Variants in ABCA13 observed in about 807,000 individuals in gnomAD.
ABCA13 encodes ATP-binding cassette sub-family A member 13.
In ABCA13, 476 loss-of-function variants were observed where a neutral mutation model predicts 478.7. The ratio of observed to expected loss-of-function variants is 0.99; its 90% CI spans 0.92 to 1.07. The LOEUF (loss-of-function observed/expected upper bound fraction) is 1.07, where lower values mean the gene tolerates loss of function less well. ABCA13 is among the 50% of genes least tolerant of loss of function. The pLI is 0.00. For missense variants in ABCA13, 6,060 were observed against 5,910.6 expected, an observed-to-expected ratio of 1.03 and a Z score of -0.83; for synonymous variants, 2,252 against 2,158.9, an observed-to-expected ratio of 1.04 and a Z score of -1.20.
At chr7:48,368,728 CACATTTATATATAT>C (rs1471748735) in intron 32 of ABCA13, among the ~76,000 whole-genome samples, 2 of 142,326 alleles carry the variant, frequency 1.4e-5, no homozygotes, top group African/African-American at 2.6e-5. Flanking sequence ...CATACACACA[CACATTTATATATAT>C]ACATTTATAT....
intron 3 of ABCA13, among the ~76,000 whole-genome samples, chr7:48,213,575 C>A (rs1584233319): frequency 6.6e-6 from 1 of 152,094 alleles, no homozygotes; most frequent in East Asian, 1.9e-4. Flanking sequence ...GTGGCTATTT[C>A]TTTAAGTAAG....
chr7:48,593,140 T>A (rs1789922951), intron 57 of ABCA13, among the ~76,000 whole-genome samples: 1 of 152,008 alleles, frequency 6.6e-6, no homozygotes, highest in Non-Finnish European at 1.5e-5. Context: ...TTAAAGTTAT[T>A]TATTCTTTTT....
rs78708777 is a variant in ABCA13, at chr7:48,596,400, G to C, written c.14744+1587G>C. ...ATTTGATATAACTTAACCACTGTAA[G>C]TATGGAATTCTATGATTCTTTAGTA... is the stretch of plus-strand genomic sequence containing the variant. On this transcript the variant is annotated intron_variant, in intron 58 of 61. Coordinates refer to ENST00000435803, the MANE Select transcript of ABCA13 (RefSeq NM_152701.5). Among the ~76,000 whole-genome samples the C allele has an allele frequency of 9.9e-3, 1,505 of 152,232 alleles. 32 individuals are homozygous for C. The highest frequency in any genetic ancestry group is 0.035 in the African/African-American group (1,445 of 41,524).
At chr7:48,641,817 T>C (rs1215322780) in intron 59 of ABCA13, among the ~76,000 whole-genome samples, 1 of 152,128 alleles carries the variant, frequency 6.6e-6, no homozygotes, top group Non-Finnish European at 1.5e-5. Flanking sequence ...AATCCCTTCT[T>C]TTCATGAAAC....
At chr7:48,268,893 G>T in intron 15 of ABCA13, 87 bp from the exon 16 acceptor site, 6 of 453,966 alleles carry the variant, frequency 1.3e-5, no homozygotes, top group East Asian at 8.8e-5. Flanking sequence ...AACCATATTA[G>T]GTGAACTACT....
intron 55 of ABCA13, among the ~76,000 whole-genome samples, chr7:48,543,429 G>A (rs1373244636): frequency 6.6e-6 from 1 of 151,650 alleles, no homozygotes; most frequent in East Asian, 1.9e-4. Context: ...TTCGAGACCA[G>A]CCTGGCCAGC....
chr7:48,363,752 C>A (rs1453956104), intron 31 of ABCA13, among the ~76,000 whole-genome samples: 1 of 151,822 alleles, frequency 6.6e-6, no homozygotes, highest in Non-Finnish European at 1.5e-5. Flanking sequence ...TAGTTTTTTT[C>A]ACATATTTTT....
chr7:48,288,656 G>A (rs1446451855), intron 20 of ABCA13, among the ~76,000 whole-genome samples: 3 of 151,956 alleles, frequency 2.0e-5, no homozygotes, highest in Non-Finnish European at 4.4e-5. Flanking sequence ...TTTTTCTGGA[G>A]AGTTAGTTTT....
chr7:48,545,539 GGT>G, intron 55 of ABCA13, among the ~76,000 whole-genome samples: 1 of 151,570 alleles, frequency 6.6e-6, no homozygotes, highest in Non-Finnish European at 1.5e-5. Context: ...TTGCAAGGAT[GGT>G]CTCACAGCTC....
chr7:48,385,134 T>C (rs1032990380), intron 35 of ABCA13, among the ~76,000 whole-genome samples: 15 of 152,210 alleles, frequency 9.9e-5, no homozygotes, highest in African/African-American at 3.6e-4. Context: ...CTTCACTTTA[T>C]GTATTTATTT....
chr7:48,194,936 C>T (rs2128903980), intron 2 of ABCA13, among the ~76,000 whole-genome samples: 1 of 152,298 alleles, frequency 6.6e-6, no homozygotes, highest in South Asian at 2.1e-4. Flanking sequence ...GGCATTTTCC[C>T]TGCCTTTGCA....
chr7:48,626,524 T>C (rs1793685439), intron 59 of ABCA13: 2 of 792,552 alleles, frequency 2.5e-6, no homozygotes, highest in Non-Finnish European at 3.1e-6. Flanking sequence ...AAAGGCAAAA[T>C]AATGGAGGAA....
chr7:48,536,044 C>G (rs1254371953), intron 55 of ABCA13, among the ~76,000 whole-genome samples: 1 of 152,142 alleles, frequency 6.6e-6, no homozygotes, highest in African/African-American at 2.4e-5. Context: ...CTCAGCTTTC[C>G]TGGTATGTTC....
At chr7:48,187,205 C>T (rs1381922737) in intron 1 of ABCA13, among the ~76,000 whole-genome samples, 1 of 149,154 alleles carries the variant, frequency 6.7e-6, no homozygotes, top group Non-Finnish European at 1.5e-5. Context: ...TGGCATCTAA[C>T]ATGAAATGTT....
intron 41 of ABCA13, among the ~76,000 whole-genome samples, chr7:48,420,492 T>G (rs1332200433): frequency 6.6e-6 from 1 of 152,180 alleles, no homozygotes; most frequent in Non-Finnish European, 1.5e-5. Flanking sequence ...ACAGAGTAAA[T>G]TTTTGCAGTG....
intron 15 of ABCA13, among the ~76,000 whole-genome samples, chr7:48,255,553 T>C (rs1273671702): frequency 6.6e-6 from 1 of 152,150 alleles, no homozygotes; most frequent in Non-Finnish European, 1.5e-5. Context: ...AATGGGAACA[T>C]GTGGTATTTG....
In ABCA13 at chr7:48,298,488, G is replaced by T. The variant is rs906139794; in HGVS notation, c.9321+1G>T. The T allele has an allele frequency of 2.5e-6, 4 of 1,610,604 alleles. No individual in the cohort carries two copies. The highest frequency in any genetic ancestry group is 2.5e-6 in the Non-Finnish European group (3 of 1,178,742). Reference sequence around the variant, plus strand: ...AGAAGCAAATATTTCCCACTCCAAGGTGTGGTGCTGTTTCTTGTCTGTCTG... The same window carrying T: ...AGAAGCAAATATTTCCCACTCCAAGTTGTGGTGCTGTTTCTTGTCTGTCTG... On this transcript the variant is annotated splice_donor_variant, in intron 23 of 61. Coordinates refer to ENST00000435803, the MANE Select transcript of ABCA13 (RefSeq NM_152701.5). LOFTEE classifies it high-confidence loss of function.
intron 58 of ABCA13, among the ~76,000 whole-genome samples, chr7:48,600,349 GT>G (rs796436799): frequency 2.6e-4 from 38 of 144,610 alleles, no homozygotes; most frequent in Middle Eastern, 7.2e-3. Flanking sequence ...GTTGGATATT[GT>G]TTTTTTTTTT....
intron 43 of ABCA13, among the ~76,000 whole-genome samples, chr7:48,463,862 G>A (rs1243009167): frequency 6.6e-6 from 1 of 152,072 alleles, no homozygotes; most frequent in Non-Finnish European, 1.5e-5. Context: ...AAGGGAGGAA[G>A]GGAGGAATGG....
Sources: gnomAD v4.1 joint callset for allele counts (sites outside exome capture counted in the v4.1 genomes callset) on GRCh38, gnomAD v4.1.1 for gene constraint, MANE v1.5 for transcripts, NCBI Gene and HGNC (gene_info 2026-07-23, HGNC 2026-07-21) for gene names.